The following PDLIM1 variants were observed in gnomAD, a reference collection of about 807,000 sequenced individuals.
PDLIM1 encodes PDZ and LIM domain protein 1.
PDLIM1 carries 25 observed loss-of-function variants against 35.2 expected under a neutral mutation model. The ratio of observed to expected loss-of-function variants is 0.71; its 90% CI spans 0.52 to 0.99. PDLIM1 has a LOEUF of 0.99. PDLIM1 is among the 50% of genes least tolerant of loss of function. The pLI is 0.00. For missense variants in PDLIM1, 363 were observed against 415.3 expected (o/e 0.87, Z 1.09); for synonymous variants, 152 against 154.0 (o/e 0.99, Z 0.10).
At chr10:95,249,668 C>G (rs1344181068) in intron 4 of PDLIM1, among the ~76,000 whole-genome samples, 5 of 152,164 alleles carry the variant, frequency 3.3e-5, no homozygotes. Flanking sequence ...CCCTCTCTTC[C>G]TCTCCTTTCT....
chr10:95,264,227 G>A (rs951357464), intron 3 of PDLIM1, among the ~76,000 whole-genome samples, 164 bp from the exon 4 acceptor site: 4 of 152,060 alleles, frequency 2.6e-5, no homozygotes, highest in African/African-American at 4.8e-5. Flanking sequence ...TGAGACACAC[G>A]GGCAATGACT....
chr10:95,279,192 T>C (rs935383538), intron 1 of PDLIM1, among the ~76,000 whole-genome samples: 7 of 152,210 alleles, frequency 4.6e-5, no homozygotes, highest in Non-Finnish European at 8.8e-5. Context: ...ATGAGGAGCC[T>C]CTGATCCTCT....
intron 6 of PDLIM1, 91 bp from the exon 7 acceptor site, chr10:95,238,202 G>A (rs2035143776): frequency 1.9e-5 from 22 of 1,166,838 alleles, no homozygotes; most frequent in Non-Finnish European, 2.6e-5. Context: ...CTGAGCAGGG[G>A]CCTGGGGCTT....
At chr10:95,283,874 G>A (rs1441839303) in intron 1 of PDLIM1, among the ~76,000 whole-genome samples, 9 of 152,138 alleles carry the variant, frequency 5.9e-5, no homozygotes, top group Admixed American at 5.9e-4. Flanking sequence ...TTCCGGCAAA[G>A]GTCTGCCATG....
intron 1 of PDLIM1, among the ~76,000 whole-genome samples, chr10:95,278,386 C>A (rs2035531756): frequency 6.6e-6 from 1 of 152,176 alleles, no homozygotes; most frequent in South Asian, 2.1e-4. Context: ...CCAGGAACCA[C>A]ACAAGGCACT....
intron 5 of PDLIM1, among the ~76,000 whole-genome samples, chr10:95,239,727 C>T (rs61868350): frequency 0.27 from 40,339 of 151,996 alleles, 5,525 homozygotes; most frequent in Middle Eastern, 0.35. Flanking sequence ...ACCCAGGAGG[C>T]GGAGGTTGCA....
At chr10:95,243,868 G>A (rs769318811) in intron 5 of PDLIM1, among the ~76,000 whole-genome samples, 11 of 152,052 alleles carry the variant, frequency 7.2e-5, no homozygotes, top group Admixed American at 7.2e-4. Context: ...GACAACTACT[G>A]CATGACACCA....
At chr10:95,277,157 G>T (rs1017418313) in intron 1 of PDLIM1, among the ~76,000 whole-genome samples, 4 of 152,068 alleles carry the variant, frequency 2.6e-5, no homozygotes, top group Non-Finnish European at 5.9e-5. Flanking sequence ...AGAGGCTGCA[G>T]TGAGCTGAGA....
In PDLIM1 at chr10:95,263,904, A is replaced by G. The variant is rs755932460; in HGVS notation, c.493T>C (p.Ser165Pro). Residue 165 changes from serine to proline, a missense_variant, in exon 4 of 7, where the codon TCA becomes CCA. Ser to Pro is a moderately conservative substitution (Grantham distance 74). Transcript: ENST00000329399. Reference sequence around the variant, plus strand: ...TCCACCCCGCTGGCAGCAGTCTTTGACTCCAGGGCATTGTTGAAGTTGGAG... The same window carrying G: ...TCCACCCCGCTGGCAGCAGTCTTTGGCTCCAGGGCATTGTTGAAGTTGGAG... The part of the protein sequence containing the change: ...NISNFNNALE[S>P]KTAASGVEAN... The G allele has an allele frequency of 6.2e-7, 1 of 1,613,650 alleles. No homozygotes were observed. Among genetic ancestry groups the G allele is most frequent in the South Asian group, 1.1e-5 (1 of 91,042 alleles).
intron 2 of PDLIM1, among the ~76,000 whole-genome samples, chr10:95,269,731 TTTTA>T (rs1478114531): frequency 2.0e-5 from 3 of 152,094 alleles, no homozygotes; most frequent in South Asian, 2.1e-4. Context: ...TCTTTATTTA[TTTTA>T]TTTATTTATT....
At chr10:95,280,858 C>A (rs141490608) in intron 1 of PDLIM1, among the ~76,000 whole-genome samples, 2 of 152,274 alleles carry the variant, frequency 1.3e-5, no homozygotes, top group Non-Finnish European at 2.9e-5. Context: ...CAATACTCAG[C>A]CAACTGTGAT....
chr10:95,246,606 T>C (rs2035223493), intron 5 of PDLIM1, among the ~76,000 whole-genome samples: 1 of 152,118 alleles, frequency 6.6e-6, no homozygotes, highest in Non-Finnish European at 1.5e-5. Context: ...ACCATGATAA[T>C]CTTAGAGGAA....
At chr10:95,266,199 A>G (rs2035415804) in intron 3 of PDLIM1, among the ~76,000 whole-genome samples, 1 of 152,228 alleles carries the variant, frequency 6.6e-6, no homozygotes, top group Admixed American at 6.5e-5. Flanking sequence ...TCCATCTCAC[A>G]AATAAAAAAT....
intron 1 of PDLIM1, among the ~76,000 whole-genome samples, chr10:95,282,570 A>G (rs919350065): frequency 1.3e-5 from 2 of 152,210 alleles, no homozygotes; most frequent in Non-Finnish European, 2.9e-5. Context: ...TCTCAGTCTG[A>G]AAGACCGACC....
At chr10:95,262,451 C>T (rs888971297) in intron 4 of PDLIM1, among the ~76,000 whole-genome samples, 6 of 152,136 alleles carry the variant, frequency 3.9e-5, no homozygotes, top group African/African-American at 1.4e-4. Flanking sequence ...AATTAAAAAT[C>T]AGGAGATTTC....
At chr10:95,251,984 A>T (rs1005915925) in intron 4 of PDLIM1, among the ~76,000 whole-genome samples, 4 of 152,196 alleles carry the variant, frequency 2.6e-5, no homozygotes, top group Non-Finnish European at 5.9e-5. Flanking sequence ...AGCCTGCTGT[A>T]TCTGACCAAA....
intron 5 of PDLIM1, among the ~76,000 whole-genome samples, chr10:95,240,911 A>G (rs570291680): frequency 6.6e-5 from 10 of 151,398 alleles, no homozygotes; most frequent in African/African-American, 2.2e-4. Flanking sequence ...AATGGTAAAA[A>G]TCACCTGGAG....
At chr10:95,278,715 G>T (rs1363147986) in intron 1 of PDLIM1, among the ~76,000 whole-genome samples, 1 of 152,136 alleles carries the variant, frequency 6.6e-6, no homozygotes, top group Non-Finnish European at 1.5e-5. Context: ...GACCAACAAA[G>T]AAATTGAAAC....
Position 95,280,186 on chromosome 10 carries a change from G to A in PDLIM1, c.97-8402C>T, listed in dbSNP as rs188758888. ...AGGTCAGGAGTTCAAGACCAGCCTG[G>A]CCAACATGGCAAAACCCCGTCTCTA... is the stretch of plus-strand genomic sequence containing the variant. On this transcript the variant is annotated intron_variant, in intron 1 of 6. Coordinates refer to ENST00000329399, the MANE Select transcript of PDLIM1 (RefSeq NM_020992.4). Among the ~76,000 whole-genome samples the A allele has an allele frequency of 4.7e-4, 71 of 152,254 alleles. No homozygotes were observed. The East Asian group carries it at 9.6e-3, about 21-fold the overall frequency.
Sources: gnomAD v4.1 joint callset for allele counts (sites outside exome capture counted in the v4.1 genomes callset) on GRCh38, gnomAD v4.1.1 for gene constraint, MANE v1.5 for transcripts, NCBI Gene and HGNC (gene_info 2026-07-23, HGNC 2026-07-21) for gene names.